The following PCBP3 variants were observed in gnomAD, a reference collection of about 807,000 sequenced individuals.
PCBP3 encodes the protein poly(rC)-binding protein 3.
A neutral mutation model predicts 52.7 loss-of-function variants in PCBP3; 25 were observed. The observed-to-expected ratio is 0.47, with a 90% CI of 0.35 to 0.66. The LOEUF is 0.66. PCBP3 is among the 30% of genes least tolerant of loss of function. PCBP3 has a pLI of 0.01. For missense variants in PCBP3, 391 were observed against 490.3 expected (o/e 0.80, Z 1.91); for synonymous variants, 162 against 183.0 (o/e 0.89, Z 0.93).
At chr21:45,689,032 A>AT (rs199552489) in intron 2 of PCBP3, among the ~76,000 whole-genome samples, 10 of 151,224 alleles carry the variant, frequency 6.6e-5, no homozygotes, top group South Asian at 2.1e-4. Context: ...TTCCTACACA[A>AT]TTTTTTTTTC....
intron 5 of PCBP3, among the ~76,000 whole-genome samples, chr21:45,867,407 T>C (rs3788217): frequency 0.77 from 116,738 of 151,930 alleles, 45,315 homozygotes; most frequent in East Asian, 1. Context: ...GTCACCAGCA[T>C]ACAGGACCTG....
At chr21:45,933,392 T>C (rs2076538717) in intron 15 of PCBP3, among the ~76,000 whole-genome samples, 1 of 152,224 alleles carries the variant, frequency 6.6e-6, no homozygotes, top group Non-Finnish European at 1.5e-5. Flanking sequence ...TGCTTAACTT[T>C]AATGCCCTCC....
At chr21:45,909,801 A>G (rs192693604) in intron 10 of PCBP3, among the ~76,000 whole-genome samples, 341 of 6,918 alleles carry the variant, frequency 0.049, 1 homozygote, top group South Asian at 0.077. Context: ...CCCCCCCCCC[A>G]CCCACTGCCC....
At chr21:45,937,327 C>T (rs563007992) in intron 16 of PCBP3, among the ~76,000 whole-genome samples, 8 of 152,298 alleles carry the variant, frequency 5.3e-5, no homozygotes, top group Admixed American at 2.0e-4. Context: ...TCACTGTGGG[C>T]CTCCCTCACC....
intron 13 of PCBP3, among the ~76,000 whole-genome samples, chr21:45,925,356 G>A (rs1468881041): frequency 6.6e-6 from 1 of 152,162 alleles, no homozygotes; most frequent in Non-Finnish European, 1.5e-5. Context: ...AAACAAGTGA[G>A]GGGAAAAATT....
chr21:45,676,231 TA>T (rs1232088715), intron 2 of PCBP3, among the ~76,000 whole-genome samples: 1 of 152,218 alleles, frequency 6.6e-6, no homozygotes, highest in Non-Finnish European at 1.5e-5. Context: ...TCAAAGGAAT[TA>T]ACTGCCTGTG....
chr21:45,684,568 G>A (rs1161198943), intron 2 of PCBP3, among the ~76,000 whole-genome samples: 1 of 152,116 alleles, frequency 6.6e-6, no homozygotes, highest in East Asian at 1.9e-4. Flanking sequence ...CATGATAACT[G>A]TTTAAAGAAG....
At chr21:45,690,584 A>G (rs1287809337) in intron 2 of PCBP3, among the ~76,000 whole-genome samples, 2 of 152,142 alleles carry the variant, frequency 1.3e-5, no homozygotes, top group African/African-American at 4.8e-5. Flanking sequence ...AAAAAGGACT[A>G]TTTCAGAATA....
At chr21:45,932,312 T>C (rs1006408617) in intron 15 of PCBP3, among the ~76,000 whole-genome samples, 10 of 150,746 alleles carry the variant, frequency 6.6e-5, no homozygotes, top group Non-Finnish European at 1.0e-4. Flanking sequence ...AGCCAAGCTA[T>C]CCTGAGATGA....
At chr21:45,897,621 G>A (rs146293101) in intron 6 of PCBP3, among the ~76,000 whole-genome samples, 2 of 152,228 alleles carry the variant, frequency 1.3e-5, no homozygotes, top group African/African-American at 4.8e-5. Flanking sequence ...AAGGCCCGAC[G>A]AGTCCCTGTT....
At chr21:45,728,234 G>T (rs1569157297) in intron 2 of PCBP3, among the ~76,000 whole-genome samples, 1 of 152,138 alleles carries the variant, frequency 6.6e-6, no homozygotes, top group Non-Finnish European at 1.5e-5. Flanking sequence ...TTCAACTGGA[G>T]GTCCTTTATC....
rs568957426 is a variant in PCBP3 at position 45,892,021 on chromosome 21, T to C, written c.11-4187T>C. ...GTCAGAATCTAATGTAAGGGGGGTT[T>C]ATTCAAAGGCAGCTGGAGGCTGGCC... On this transcript the variant is annotated intron_variant, in intron 5 of 17. Coordinates refer to ENST00000681687, the MANE Select transcript of PCBP3 (RefSeq NM_001384156.1). 2.6e-5 allele frequency among the ~76,000 whole-genome samples: 4 copies of C among 152,296 alleles called. No individual in the cohort carries two copies. In the South Asian group the frequency reaches 8.3e-4, roughly 32 times the overall value.
intron 4 of PCBP3, among the ~76,000 whole-genome samples, chr21:45,831,892 G>T (rs1398351935): frequency 6.6e-6 from 1 of 152,092 alleles, no homozygotes; most frequent in Non-Finnish European, 1.5e-5. Context: ...TGTATTTTTA[G>T]TAGAGACAGG....
intron 4 of PCBP3, among the ~76,000 whole-genome samples, chr21:45,807,747 A>C (rs553866796): frequency 0.013 from 1,899 of 151,776 alleles, 61 homozygotes; most frequent in African/African-American, 0.043. Flanking sequence ...AGCAAAAAAA[A>C]CAAAAACAAA....
chr21:45,723,271 C>G (rs1166057188), intron 2 of PCBP3, among the ~76,000 whole-genome samples: 1 of 152,150 alleles, frequency 6.6e-6, no homozygotes. Context: ...GAGGGAGGCT[C>G]TGGGGCAGGC....
intron 4 of PCBP3, among the ~76,000 whole-genome samples, chr21:45,758,635 CAT>C (rs1400877979): frequency 3.3e-5 from 5 of 152,086 alleles, no homozygotes; most frequent in African/African-American, 1.2e-4. Context: ...AAATATAACT[CAT>C]TTTTATATAT....
intron 5 of PCBP3, among the ~76,000 whole-genome samples, chr21:45,883,069 G>T (rs953204274): frequency 1.3e-5 from 2 of 152,194 alleles, no homozygotes; most frequent in Non-Finnish European, 2.9e-5. Flanking sequence ...CTGTAGTTGT[G>T]TCCTGCGATT....
chr21:45,885,215 C>A (rs925594174), intron 5 of PCBP3, among the ~76,000 whole-genome samples: 1 of 152,164 alleles, frequency 6.6e-6, no homozygotes, highest in Admixed American at 6.5e-5. Flanking sequence ...CAGTTCGGGG[C>A]CACGTCCTCC....
At chr21:45,794,570 G>A (rs1000330083) in intron 4 of PCBP3, among the ~76,000 whole-genome samples, 5 of 152,136 alleles carry the variant, frequency 3.3e-5, no homozygotes, top group African/African-American at 7.2e-5. Flanking sequence ...AATATATAAG[G>A]CAAGACATTA....
Sources: allele counts gnomAD v4.1 joint callset (sites outside exome capture counted in the v4.1 genomes callset), GRCh38; gene constraint gnomAD v4.1.1; transcripts MANE v1.5; gene names NCBI Gene and HGNC (gene_info 2026-07-23, HGNC 2026-07-21).